UBE2E2: variants seen among roughly 807,000 people sequenced by gnomAD.
The protein encoded by UBE2E2 is ubiquitin-conjugating enzyme E2 E2.
UBE2E2 carries 6 observed loss-of-function variants against 24.7 expected under a neutral mutation model. The observed-to-expected ratio is 0.24, with a 90% CI of 0.13 to 0.48. The LOEUF is 0.48. Ranked by LOEUF, UBE2E2 falls within the 20% of genes least tolerant of loss-of-function variation. The probability of loss-of-function intolerance (pLI) is 0.99; values close to 1 mark genes in which losing one functional copy is unlikely to be tolerated. For synonymous variants in UBE2E2, 104 were observed against 83.6 expected (o/e 1.24, Z -1.33); for missense variants, 169 against 245.0 (o/e 0.69, Z 2.07).
At chr3:23,587,041 A>G (rs1490369192) in intron 5 of UBE2E2, among the ~76,000 whole-genome samples, 2 of 152,074 alleles carry the variant, frequency 1.3e-5, no homozygotes, top group South Asian at 4.1e-4. Context: ...ATATTGTCTG[A>G]GGTGGTTTTC....
chr3:23,387,690 C>T (rs567128504), intron 3 of UBE2E2, among the ~76,000 whole-genome samples: 1 of 152,228 alleles, frequency 6.6e-6, no homozygotes, highest in South Asian at 2.1e-4. Context: ...AAGCACTCAA[C>T]CGTTGAAGTG....
At chr3:23,246,889 T>C (rs1697423775) in intron 3 of UBE2E2, among the ~76,000 whole-genome samples, 1 of 152,154 alleles carries the variant, frequency 6.6e-6, no homozygotes, top group African/African-American at 2.4e-5. Flanking sequence ...CTTTCTGGAC[T>C]TAAAAAGAAA....
intron 3 of UBE2E2, among the ~76,000 whole-genome samples, chr3:23,389,210 A>G (rs1435617736): frequency 3.3e-5 from 5 of 152,168 alleles, no homozygotes. Context: ...TAGGGAGCAG[A>G]TGAGATCACA....
intron 3 of UBE2E2, among the ~76,000 whole-genome samples, chr3:23,252,228 G>C (rs1697594003): frequency 6.6e-6 from 1 of 151,806 alleles, no homozygotes; most frequent in South Asian, 2.1e-4. Flanking sequence ...AATGTACCAG[G>C]GTGTCATCAC....
At chr3:23,262,824 A>C (rs1342510412) in intron 3 of UBE2E2, among the ~76,000 whole-genome samples, 1 of 152,174 alleles carries the variant, frequency 6.6e-6, no homozygotes, top group Non-Finnish European at 1.5e-5. Context: ...ACATCCAAAA[A>C]ATCCTTGCCG....
At chr3:23,515,826 C>T (rs1030693112) in intron 4 of UBE2E2, among the ~76,000 whole-genome samples, 10 of 150,558 alleles carry the variant, frequency 6.6e-5, no homozygotes, top group Middle Eastern at 3.5e-3. Context: ...AAAGAAAAAA[C>T]GAGCCAGGCG....
chr3:23,257,574 A>T (rs1462352099), intron 3 of UBE2E2, among the ~76,000 whole-genome samples: 4 of 107,560 alleles, frequency 3.7e-5, no homozygotes, highest in Non-Finnish European at 6.8e-5. Context: ...GAGTCTCATG[A>T]GGCCCAGACT....
At chr3:23,401,846 T>A (rs1697230416) in intron 3 of UBE2E2, among the ~76,000 whole-genome samples, 1 of 132,252 alleles carries the variant, frequency 7.6e-6, no homozygotes. Context: ...CATGCCTGGC[T>A]ACTTTTTTTT....
chr3:23,399,300 A>C (rs1697158400), intron 3 of UBE2E2, among the ~76,000 whole-genome samples: 1 of 152,176 alleles, frequency 6.6e-6, no homozygotes, highest in African/African-American at 2.4e-5. Flanking sequence ...GGCTATTATT[A>C]AATAAAATAA....
chr3:23,330,770 G>A (rs538558076), intron 3 of UBE2E2, among the ~76,000 whole-genome samples: 3 of 152,252 alleles, frequency 2.0e-5, no homozygotes, highest in Non-Finnish European at 2.9e-5. Context: ...AGAACAGATC[G>A]AATTACTATC....
At chr3:23,572,156 T>G (rs1386558454) in intron 5 of UBE2E2, among the ~76,000 whole-genome samples, 4 of 152,192 alleles carry the variant, frequency 2.6e-5, no homozygotes, top group South Asian at 2.1e-4. Context: ...ATTATTTGAT[T>G]TAAATCATGG....
At chr3:23,372,075 G>A (rs1056866639) in intron 3 of UBE2E2, among the ~76,000 whole-genome samples, 3 of 151,924 alleles carry the variant, frequency 2.0e-5, no homozygotes, top group African/African-American at 4.8e-5. Context: ...CCGAGATCAC[G>A]CCACTGCACT....
chr3:23,365,497 A>G lies in UBE2E2; in HGVS notation c.228-134111A>G, dbSNP rs111979807. ...ATCATCTAAGCTGAGAGCCAAATCAAGAACACAATCGCATTCACAATAGCT... is the reference window on the plus strand; with the variant it reads ...ATCATCTAAGCTGAGAGCCAAATCAGGAACACAATCGCATTCACAATAGCT... On this transcript the variant is annotated intron_variant, in intron 3 of 5. Transcript: ENST00000396703. Among the ~76,000 whole-genome samples, 2 of 152,320 alleles carry G rather than the reference A, an allele frequency of 1.3e-5. 1 individual carries two copies. Among genetic ancestry groups the G allele is most frequent in the African/African-American group, 4.8e-5 (2 of 41,576 alleles).
intron 3 of UBE2E2, among the ~76,000 whole-genome samples, chr3:23,291,033 C>A (rs1698750977): frequency 1.3e-5 from 2 of 150,370 alleles, no homozygotes; most frequent in Non-Finnish European, 3.0e-5. Flanking sequence ...CAATGCACTG[C>A]CCTCCAGCCT....
chr3:23,332,169 A>T (rs190981913), intron 3 of UBE2E2, among the ~76,000 whole-genome samples: 17 of 151,738 alleles, frequency 1.1e-4, no homozygotes, highest in Admixed American at 4.6e-4. Context: ...TCTTTTTGAG[A>T]TGGGGTTTCG....
At chr3:23,468,106 A>G (rs3111310) in intron 3 of UBE2E2, among the ~76,000 whole-genome samples, 66,970 of 151,932 alleles carry the variant, frequency 0.44, 15,398 homozygotes, top group African/African-American at 0.57. Flanking sequence ...AACTTGCCCT[A>G]GAGAGCCTCC....
intron 3 of UBE2E2, among the ~76,000 whole-genome samples, chr3:23,371,978 T>C (rs770147599): frequency 2.0e-5 from 3 of 151,980 alleles, no homozygotes; most frequent in Non-Finnish European, 2.9e-5. Context: ...ATTAGCCGGC[T>C]GTGGTGGTGG....
intron 5 of UBE2E2, among the ~76,000 whole-genome samples, chr3:23,564,251 T>C (rs944235834): frequency 1.3e-5 from 2 of 152,058 alleles, no homozygotes; most frequent in African/African-American, 4.8e-5. Context: ...GCTCTGGACA[T>C]ATGCATGATC....
Position 23,583,717 on chromosome 3 carries a change from G to A in UBE2E2, c.509-6017G>A, listed in dbSNP as rs930207127. Among the ~76,000 whole-genome samples the A allele has an allele frequency of 3.3e-5, 5 of 152,212 alleles. No individual in the cohort carries two copies. In the East Asian group the frequency reaches 9.6e-4, roughly 29 times the overall value. ...GTGTTCTTGTTTTGGCTCTCAGCCT[G>A]TATGGTGTTGATGCATAGAAATGCT... On this transcript the variant is annotated intron_variant, in intron 5 of 5. Transcript: ENST00000396703. This position sits in a 1 kb window ranked among gnomAD's most constrained non-coding sequence, Gnocchi z 4.1.
Sources: gnomAD v4.1 joint callset for allele counts (sites outside exome capture counted in the v4.1 genomes callset) on GRCh38, gnomAD v4.1.1 for gene constraint, Gnocchi (gnomAD v3.1) non-coding constraint, MANE v1.5 for transcripts, NCBI Gene and HGNC (gene_info 2026-07-23, HGNC 2026-07-21) for gene names.